The following RAB38 variants were observed in gnomAD, a reference collection of about 807,000 sequenced individuals.
RAB38 encodes the protein RAB38, member RAS oncogene family.
In RAB38, 15 loss-of-function variants were observed where a neutral mutation model predicts 18.4. The ratio of observed to expected loss-of-function variants is 0.82; its 90% confidence interval spans 0.55 to 1.26. The LOEUF (loss-of-function observed/expected upper bound fraction) is 1.26. RAB38 is among the 50% of genes most tolerant of loss of function. The pLI is 0.00. For synonymous variants in RAB38, 101 were observed against 104.4 expected (o/e 0.97, Z 0.20); for missense variants, 294 against 267.4 (o/e 1.10, Z -0.69).
At chr11:87,837,146 T>C in the RAB38 span, among the ~76,000 whole-genome samples, 1 of 152,206 alleles carries the variant, frequency 6.6e-6, no homozygotes, top group Non-Finnish European at 1.5e-5. Context: ...TTATTACTAT[T>C]TTGTAACGCC....
chr11:87,859,350 T>C, the RAB38 span, among the ~76,000 whole-genome samples: 1 of 151,894 alleles, frequency 6.6e-6, no homozygotes, highest in South Asian at 2.1e-4. Context: ...AAAGGGTGGT[T>C]TGTAAAAAAA....
chr11:88,033,725 C>CTTTTTTT, the RAB38 span, among the ~76,000 whole-genome samples: 7 of 101,122 alleles, frequency 6.9e-5, no homozygotes, highest in African/African-American at 2.0e-4. Context: ...GTTGTGTTGC[C>CTTTTTTT]TTTTTTTTTT....
the RAB38 span, among the ~76,000 whole-genome samples, chr11:87,924,140 A>G: frequency 1.5e-4 from 23 of 151,854 alleles, no homozygotes; most frequent in African/African-American, 5.3e-4. Flanking sequence ...GAAGGACACT[A>G]TTTTCCTTAT....
At chr11:88,045,569 C>T in the RAB38 span, among the ~76,000 whole-genome samples, 1 of 152,328 alleles carries the variant, frequency 6.6e-6, no homozygotes, top group South Asian at 2.1e-4. Flanking sequence ...TTGGACTGTT[C>T]AACTCACCTG....
the RAB38 span, among the ~76,000 whole-genome samples, chr11:87,904,082 T>C: frequency 4.6e-5 from 7 of 151,886 alleles, no homozygotes; most frequent in South Asian, 1.0e-3. Context: ...TTTAAAGTTA[T>C]TGGTTTACAG....
At chr11:87,914,680 AG>A in the RAB38 span, among the ~76,000 whole-genome samples, 2 of 152,122 alleles carry the variant, frequency 1.3e-5, no homozygotes, top group Admixed American at 6.5e-5. Flanking sequence ...ACTGAGAAAA[AG>A]GCCCTGACAC....
At chr11:88,091,721 T>C in the RAB38 span, among the ~76,000 whole-genome samples, 56 of 152,018 alleles carry the variant, frequency 3.7e-4, no homozygotes, top group South Asian at 8.3e-4. Flanking sequence ...AGCCCCAGCA[T>C]TGGGGCTAGC....
At chr11:88,126,014 C>T (rs368718513) in intron 2 of RAB38, among the ~76,000 whole-genome samples, 3 of 152,078 alleles carry the variant, frequency 2.0e-5, no homozygotes. Flanking sequence ...TTGTCAAAGA[C>T]CAGATAGTTG....
At chr11:87,976,045 G>C in the RAB38 span, among the ~76,000 whole-genome samples, 1 of 150,854 alleles carries the variant, frequency 6.6e-6, no homozygotes, top group African/African-American at 2.4e-5. Context: ...CGCTATTGCT[G>C]TGAAAGAAAT....
the RAB38 span, among the ~76,000 whole-genome samples, chr11:87,974,225 T>A: frequency 1.3e-5 from 2 of 151,816 alleles, no homozygotes; most frequent in Non-Finnish European, 1.5e-5. Context: ...TGTTCTCAAG[T>A]ACTTATGGAA....
the RAB38 span, among the ~76,000 whole-genome samples, chr11:88,104,012 G>A: frequency 6.6e-6 from 1 of 152,058 alleles, no homozygotes; most frequent in Non-Finnish European, 1.5e-5. Context: ...CCCAGAGAGT[G>A]GTTTCCTGAT....
At chr11:87,916,783 G>A in the RAB38 span, among the ~76,000 whole-genome samples, 1 of 151,950 alleles carries the variant, frequency 6.6e-6, no homozygotes, top group African/African-American at 2.4e-5. Context: ...TTATTTTGTT[G>A]TTGTTTTCAA....
chr11:87,954,030 C>A, the RAB38 span, among the ~76,000 whole-genome samples: 7 of 151,956 alleles, frequency 4.6e-5, no homozygotes, highest in African/African-American at 1.7e-4. Flanking sequence ...GAGGTGGGAC[C>A]CCCTAAAGTG....
chr11:88,026,562 CAAAAAAAAAA>C, the RAB38 span, among the ~76,000 whole-genome samples: 1 of 54,252 alleles, frequency 1.8e-5, no homozygotes, highest in African/African-American at 6.8e-5. Flanking sequence ...GACTCTGTCA[CAAAAAAAAAA>C]AAAAAAAAAA....
chr11:87,895,193 G>A, the RAB38 span, among the ~76,000 whole-genome samples: 1 of 149,982 alleles, frequency 6.7e-6, no homozygotes, highest in Non-Finnish European at 1.5e-5. Flanking sequence ...GGCTGATGAG[G>A]GTGTTTGCTA....
chr11:88,095,791 C>T, the RAB38 span, among the ~76,000 whole-genome samples: 5 of 151,790 alleles, frequency 3.3e-5, no homozygotes, highest in South Asian at 1.0e-3. Context: ...ACAGTTATAC[C>T]TCCTACTCTG....
At chr11:87,976,400 T>C in the RAB38 span, among the ~76,000 whole-genome samples, 1 of 126,876 alleles carries the variant, frequency 7.9e-6, no homozygotes, top group Non-Finnish European at 1.6e-5. Context: ...TATACACATA[T>C]TTATATATTT....
At chr11:88,023,462 G>A in the RAB38 span, among the ~76,000 whole-genome samples, 75 of 151,700 alleles carry the variant, frequency 4.9e-4, no homozygotes, top group East Asian at 0.012. Context: ...TTGTTAAACT[G>A]TCCATATTAC....
At chr11:88,061,810 G>A in the RAB38 span, 1 of 152,108 alleles carries the variant, frequency 6.6e-6, no homozygotes, top group Non-Finnish European at 1.5e-5. Flanking sequence ...CTATGCGGAG[G>A]TGTCACTACA....
Sources: gnomAD v4.1 joint callset for allele counts (sites outside exome capture counted in the v4.1 genomes callset) on GRCh38, gnomAD v4.1.1 for gene constraint, MANE v1.5 for transcripts, NCBI Gene and HGNC (gene_info 2026-07-23, HGNC 2026-07-21) for gene names.